Variants in LRFN5 observed in about 807,000 individuals in gnomAD.
LRFN5 encodes leucine rich repeat and fibronectin type III domain containing 5, also known as leucine-rich repeat and fibronectin type-III domain-containing protein 5.
LRFN5 carries 24 observed loss-of-function variants against 45.6 expected under a neutral mutation model. That is an observed-to-expected ratio of 0.53 (90% confidence interval 0.38 to 0.74). LRFN5 has a LOEUF of 0.74. LRFN5 is among the 30% of genes least tolerant of loss of function. LRFN5 has a pLI of 0.00. For missense variants in LRFN5, 776 were observed against 861.5 expected (o/e 0.90, Z 1.24); for synonymous variants, 340 against 313.8 (o/e 1.08, Z -0.88).
intron 1 of LRFN5, among the ~76,000 whole-genome samples, chr14:41,716,025 C>T (rs1188923309): frequency 2.0e-5 from 3 of 152,196 alleles, no homozygotes; most frequent in Non-Finnish European, 4.4e-5. Context: ...CTCAACACCA[C>T]GTGGAAGCTG....
chr14:41,640,378 T>A (rs1241844635), intron 1 of LRFN5, among the ~76,000 whole-genome samples: 1 of 152,102 alleles, frequency 6.6e-6, no homozygotes, highest in Non-Finnish European at 1.5e-5. Flanking sequence ...AGAACAGTAA[T>A]GGACGTCAAA....
At chr14:41,902,431 T>C (rs1891130922) in intron 5 of LRFN5, among the ~76,000 whole-genome samples, 1 of 151,880 alleles carries the variant, frequency 6.6e-6, no homozygotes, top group Admixed American at 6.6e-5. Flanking sequence ...AAAAGTGTCA[T>C]TTTGGATATT....
intron 1 of LRFN5, among the ~76,000 whole-genome samples, chr14:41,631,538 A>G (rs1267913945): frequency 1.3e-5 from 2 of 152,122 alleles, no homozygotes; most frequent in African/African-American, 4.8e-5. Context: ...AAAAATAAAG[A>G]TTTAAATATA....
chr14:41,728,428 AAC>A (rs1363090959), intron 1 of LRFN5, among the ~76,000 whole-genome samples: 1 of 152,146 alleles, frequency 6.6e-6, no homozygotes, highest in Admixed American at 6.6e-5. Context: ...GGAAAAAGAA[AAC>A]ACACACATCT....
At chr14:41,771,410 T>C (rs920149100) in intron 2 of LRFN5, among the ~76,000 whole-genome samples, 3 of 151,988 alleles carry the variant, frequency 2.0e-5, no homozygotes, top group Non-Finnish European at 4.4e-5. Context: ...AGTTTGCAAA[T>C]TTTCCAAACT....
intron 1 of LRFN5, among the ~76,000 whole-genome samples, chr14:41,632,172 A>C (rs541940566): frequency 1.1e-4 from 16 of 152,198 alleles, no homozygotes; most frequent in Non-Finnish European, 2.1e-4. Flanking sequence ...GAAAAAAAAA[A>C]CGTAGCATTT....
intron 5 of LRFN5, among the ~76,000 whole-genome samples, chr14:41,901,198 A>G (rs920689036): frequency 1.3e-5 from 2 of 152,088 alleles, no homozygotes; most frequent in African/African-American, 4.8e-5. Flanking sequence ...GGGGAAAGGA[A>G]TTACGTATAA....
chr14:41,711,394 G>A (rs1302340425), intron 1 of LRFN5, among the ~76,000 whole-genome samples: 1 of 152,068 alleles, frequency 6.6e-6, no homozygotes, highest in Non-Finnish European at 1.5e-5. Context: ...GTAGATGAGG[G>A]TCTCATAGGA....
At chr14:41,620,433 G>T (rs116230545) in intron 1 of LRFN5, among the ~76,000 whole-genome samples, 71 of 152,176 alleles carry the variant, frequency 4.7e-4, no homozygotes, top group African/African-American at 1.7e-3. Flanking sequence ...CTTGGAAGGG[G>T]CTTGTGTATA....
At chr14:41,890,649 T>G (rs566253385) in intron 3 of LRFN5, among the ~76,000 whole-genome samples, 74 of 151,674 alleles carry the variant, frequency 4.9e-4, no homozygotes, top group Admixed American at 3.9e-4. Flanking sequence ...GGAGCTTTCA[T>G]TGAGCCGAGA....
chr14:41,663,597 C>T (rs973605280), intron 1 of LRFN5, among the ~76,000 whole-genome samples: 8 of 151,880 alleles, frequency 5.3e-5, no homozygotes, highest in African/African-American at 9.7e-5. Flanking sequence ...CATTTTCCTC[C>T]GTGAAGACAT....
At chr14:41,854,151 T>A (rs1425727048) in intron 2 of LRFN5, among the ~76,000 whole-genome samples, 1 of 152,168 alleles carries the variant, frequency 6.6e-6, no homozygotes, top group Admixed American at 6.5e-5. Flanking sequence ...TGGTATGTGA[T>A]GTTCCCCACC....
intron 2 of LRFN5, among the ~76,000 whole-genome samples, chr14:41,783,596 C>T (rs1886613108): frequency 6.6e-6 from 1 of 152,000 alleles, no homozygotes; most frequent in Non-Finnish European, 1.5e-5. Context: ...CTGTCAGTTT[C>T]ACTAATGAGT....
intron 1 of LRFN5, chr14:41,700,152 T>C (rs1338182063): frequency 6.6e-6 from 1 of 152,074 alleles, no homozygotes; most frequent in Non-Finnish European, 1.5e-5. Context: ...GGTGATTTTG[T>C]GTAGTGAGGG....
chr14:41,822,101 T>A (rs11845458), intron 2 of LRFN5, among the ~76,000 whole-genome samples: 1,699 of 152,100 alleles, frequency 0.011, 30 homozygotes, highest in African/African-American at 0.039. Flanking sequence ...TTTATCTTTT[T>A]AAGTAACATA....
At chr14:41,687,585 C>T (rs910828636) in intron 1 of LRFN5, among the ~76,000 whole-genome samples, 3 of 152,164 alleles carry the variant, frequency 2.0e-5, no homozygotes, top group African/African-American at 7.2e-5. Flanking sequence ...ATGGAACCAA[C>T]TCAAATGTCC....
intron 2 of LRFN5, among the ~76,000 whole-genome samples, chr14:41,820,546 A>G (rs558163304): frequency 1.3e-5 from 2 of 152,234 alleles, no homozygotes; most frequent in South Asian, 4.1e-4. Flanking sequence ...AGGTAACATC[A>G]TGCCCCCAGC....
chr14:41,693,350 T>C (rs1452020804), intron 1 of LRFN5, among the ~76,000 whole-genome samples: 1 of 152,118 alleles, frequency 6.6e-6, no homozygotes, highest in Non-Finnish European at 1.5e-5. Context: ...CTTTAAAACG[T>C]ACTTTAACAA....
chr14:41,742,198 C>T (rs538304834), intron 1 of LRFN5, among the ~76,000 whole-genome samples: 8 of 151,590 alleles, frequency 5.3e-5, no homozygotes, highest in South Asian at 4.2e-4. Flanking sequence ...AGCATGTGAA[C>T]GAGATACCTG....
Sources: gnomAD v4.1 joint callset for allele counts (sites outside exome capture counted in the v4.1 genomes callset) on GRCh38, gnomAD v4.1.1 for gene constraint, MANE v1.5 for transcripts, NCBI Gene and HGNC (gene_info 2026-07-23, HGNC 2026-07-21) for gene names.